Variants in RABEP1 observed in about 807,000 individuals in gnomAD.
RABEP1 encodes rabaptin, RAB GTPase binding effector protein 1, also known as rab GTPase-binding effector protein 1.
In RABEP1, 51 loss-of-function variants were observed where a neutral mutation model predicts 123.4. That is an observed-to-expected ratio of 0.41 (90% CI 0.33 to 0.52). RABEP1 has a LOEUF of 0.52. Ranked by LOEUF, RABEP1 falls within the 20% of genes least tolerant of loss-of-function variation. RABEP1 has a pLI of 0.16. For missense variants in RABEP1, 888 were observed against 996.3 expected, an observed-to-expected ratio of 0.89 and a Z score of 1.46; for synonymous variants, 347 against 355.2, an observed-to-expected ratio of 0.98 and a Z score of 0.26.
chr17:5,367,418 C>T lies in RABEP1; in HGVS notation c.1786-952C>T, dbSNP rs184081308. Among the ~76,000 whole-genome samples the T allele has an allele frequency of 1.6e-3, 239 of 151,726 alleles. 1 individual carries two copies. The highest frequency in any genetic ancestry group is 4.6e-3 in the African/African-American group (189 of 41,406). ...TCCTGAGTAGCTGGGACTACAGGCA[C>T]CCGCCACCACGCCCGGCTAATTTTT... On this transcript the variant is annotated intron_variant, in intron 11 of 17. Transcript: ENST00000537505.
intron 13 of RABEP1, among the ~76,000 whole-genome samples, chr17:5,373,751 T>C (rs1910739704): frequency 7.3e-6 from 1 of 136,114 alleles, no homozygotes. Flanking sequence ...AAAGTAACAC[T>C]TCGCCCTTTA....
rs1294636985 is a variant in RABEP1 at position 5,323,812 on chromosome 17, A to ATT, written c.164-8136_164-8135insTT. 1.2e-3 allele frequency among the ~76,000 whole-genome samples: 112 copies of ATT among 90,378 alleles called. 7 individuals are homozygous for ATT. Among genetic ancestry groups the ATT allele is most frequent in the Middle Eastern group, 5.9e-3 (1 of 170 alleles). 59.3% of individuals were successfully genotyped at this position (90,378 alleles called of 152,430 possible). On this transcript the variant is annotated intron_variant, in intron 2 of 17. Coordinates refer to ENST00000537505, the MANE Select transcript of RABEP1 (RefSeq NM_004703.6). ...TATATATCTAGGAATATATATATAT[A>ATT]TCTAGGAATATATATATATATCTAG... is the stretch of plus-strand genomic sequence containing the variant.
intron 2 of RABEP1, among the ~76,000 whole-genome samples, chr17:5,326,620 C>T (rs2144583384): frequency 6.6e-6 from 1 of 152,006 alleles, no homozygotes; most frequent in Admixed American, 6.6e-5. Context: ...AAGAGTGAAC[C>T]CTAGTGTAAA....
chr17:5,374,212 G>A (rs766867061), intron 13 of RABEP1, among the ~76,000 whole-genome samples: 5 of 150,152 alleles, frequency 3.3e-5, no homozygotes, highest in South Asian at 2.1e-4. Context: ...GATTACAAGC[G>A]CCTGCCACCA....
intron 7 of RABEP1, among the ~76,000 whole-genome samples, chr17:5,351,708 G>A (rs1908568010): frequency 6.6e-6 from 1 of 152,116 alleles, no homozygotes; most frequent in Non-Finnish European, 1.5e-5. Context: ...AGGCTGAGGT[G>A]GGAGGATCAC....
chr17:5,379,963 T>C (rs1170534824), intron 15 of RABEP1, among the ~76,000 whole-genome samples: 2 of 152,186 alleles, frequency 1.3e-5, no homozygotes, highest in Admixed American at 1.3e-4. Flanking sequence ...TTTTAGTGCG[T>C]GCCATCCATT....
intron 5 of RABEP1, among the ~76,000 whole-genome samples, chr17:5,342,217 TA>T (rs960359529): frequency 3.4e-5 from 5 of 145,556 alleles, no homozygotes; most frequent in Admixed American, 1.4e-4. Flanking sequence ...TTCACAAGAG[TA>T]AAAAAAAAGA....
At chr17:5,341,467 C>T (rs1907600701) in intron 5 of RABEP1, among the ~76,000 whole-genome samples, 1 of 152,154 alleles carries the variant, frequency 6.6e-6, no homozygotes, top group Admixed American at 6.5e-5. Context: ...CTTATTGTCT[C>T]TTGCCTCCTC....
At chr17:5,310,788 CTT>C (rs1211894072) in intron 2 of RABEP1, among the ~76,000 whole-genome samples, 1 of 151,164 alleles carries the variant, frequency 6.6e-6, no homozygotes, top group East Asian at 1.9e-4. Context: ...GGTTTTGAAA[CTT>C]GAGTGTGCAT....
At chr17:5,351,170 T>C (rs1908516082) in intron 7 of RABEP1, among the ~76,000 whole-genome samples, 1 of 152,122 alleles carries the variant, frequency 6.6e-6, no homozygotes, top group Admixed American at 6.5e-5. Context: ...CTAGGTGACA[T>C]GATATGAATG....
At chr17:5,322,444 A>G (rs139704651) in intron 2 of RABEP1, among the ~76,000 whole-genome samples, 362 of 151,062 alleles carry the variant, frequency 2.4e-3, no homozygotes, top group African/African-American at 8.5e-3. Flanking sequence ...ACAATTATAA[A>G]TATCTATGCA....
At position 5,298,692 on chromosome 17, in the gene RABEP1, G is replaced by T. The variant is rs367634271; in HGVS notation, c.35-10002G>T. Among the ~76,000 whole-genome samples the T allele has an allele frequency of 1.7e-3, 228 of 136,166 alleles. 4 individuals carry two copies. The East Asian group carries it at 0.045, about 27-fold the overall frequency. The allele number at this position is 136,166 out of a possible 152,430, so 89.3% of individuals were successfully genotyped here. On this transcript the variant is annotated intron_variant, in intron 1 of 17. Transcript: ENST00000537505. ...TTTTTTTGAGACGGAGTCTCGCTCTGTCGCCCAGGCTGGAGTGCAGTAGCG... is the reference window on the plus strand; with the variant it reads ...TTTTTTTGAGACGGAGTCTCGCTCTTTCGCCCAGGCTGGAGTGCAGTAGCG...
chr17:5,352,845 AAAAC>A (rs973642126), intron 7 of RABEP1, among the ~76,000 whole-genome samples: 29 of 152,264 alleles, frequency 1.9e-4, no homozygotes, highest in African/African-American at 5.8e-4. Context: ...AACAAAAACA[AAAAC>A]AAAGAGTCTA....
intron 2 of RABEP1, among the ~76,000 whole-genome samples, chr17:5,325,283 C>T (rs1905859535): frequency 1.3e-5 from 2 of 151,960 alleles, no homozygotes; most frequent in South Asian, 4.2e-4. Flanking sequence ...TTGCAGTGAG[C>T]CAAGATCGTG....
At chr17:5,313,360 T>C (rs2075263891) in intron 2 of RABEP1, among the ~76,000 whole-genome samples, 1 of 152,334 alleles carries the variant, frequency 6.6e-6, no homozygotes, top group Non-Finnish European at 1.5e-5. Flanking sequence ...TTACCTCTTA[T>C]ACCAAAACCT....
intron 1 of RABEP1, among the ~76,000 whole-genome samples, chr17:5,304,102 C>T (rs1488665558): frequency 6.6e-6 from 1 of 151,936 alleles, no homozygotes; most frequent in Admixed American, 6.6e-5. Flanking sequence ...TAGTAGGACA[C>T]AGCTTGAGTC....
In RABEP1 at chr17:5,383,738, A is replaced by ACAT. The variant is rs368453212; in HGVS notation, c.*515_*516insCAT. 2 of 226,558 alleles carry ACAT rather than the reference A, an allele frequency of 8.8e-6. No homozygotes were observed. Among genetic ancestry groups the ACAT allele is most frequent in the African/African-American group, 2.2e-5 (1 of 44,742 alleles). The allele number at this position is 226,558 out of a possible 1,614,324, so 14.0% of individuals were successfully genotyped here. A position where few individuals can be genotyped will look rare whatever the true frequency, so the allele number is the denominator to read the frequency against. On this transcript the variant is annotated 3_prime_UTR_variant, in exon 18 of 18. Coordinates refer to ENST00000537505, the MANE Select transcript of RABEP1 (RefSeq NM_004703.6). The stretch of plus-strand genomic sequence containing the variant: ...GAGCAGGCCATTGGCTACTGACTGT[A>ACAT]TTTTGTTTTCCTTTTACCATTTTAT...
chr17:5,334,216 T>TC, intron 3 of RABEP1, among the ~76,000 whole-genome samples: 1 of 151,812 alleles, frequency 6.6e-6, no homozygotes, highest in Non-Finnish European at 1.5e-5. Context: ...TTCTTTTTTT[T>TC]CCCTTTCCCT....
At chr17:5,344,467 A>G (rs1251244962) in intron 5 of RABEP1, among the ~76,000 whole-genome samples, 2 of 152,058 alleles carry the variant, frequency 1.3e-5, no homozygotes, top group African/African-American at 4.8e-5. Context: ...GTGACAGATA[A>G]TTCTGAAGAA....
Sources: gnomAD v4.1 joint callset for allele counts (sites outside exome capture counted in the v4.1 genomes callset) on GRCh38, gnomAD v4.1.1 for gene constraint, MANE v1.5 for transcripts, NCBI Gene and HGNC (gene_info 2026-07-23, HGNC 2026-07-21) for gene names.